The following FAM120A variants were observed in gnomAD, a reference collection of about 807,000 sequenced individuals.
FAM120A encodes the protein family with sequence similarity 120 member A, also known as constitutive coactivator of PPAR-gamma-like protein 1.
In FAM120A, 15 loss-of-function variants were observed where a neutral mutation model predicts 109.7. That is an observed-to-expected ratio of 0.14 (90% CI 0.09 to 0.21). The LOEUF (loss-of-function observed/expected upper bound fraction) is 0.21, where lower values mean the gene tolerates loss of function less well. Among genes scored for constraint, FAM120A ranks in the 10% least tolerant of loss-of-function variants. The pLI, the probability that FAM120A is intolerant of heterozygous loss-of-function variation, is 1.00. For missense variants in FAM120A, 899 were observed against 1,439.3 expected (o/e 0.62, Z 6.07); for synonymous variants, 493 against 572.8 (o/e 0.86, Z 1.99).
chr9:93,472,532 G>A (rs979571986), intron 2 of FAM120A, among the ~76,000 whole-genome samples: 1 of 152,184 alleles, frequency 6.6e-6, no homozygotes, highest in East Asian at 1.9e-4. Flanking sequence ...AGGCCAGTTT[G>A]GGAAGCTGTG....
At chr9:93,459,241 C>T (rs1857683699) in intron 1 of FAM120A, among the ~76,000 whole-genome samples, 1 of 152,204 alleles carries the variant, frequency 6.6e-6, no homozygotes, top group Non-Finnish European at 1.5e-5. Context: ...TTTACCTCCC[C>T]CAGCCACCCG....
intron 17 of FAM120A, among the ~76,000 whole-genome samples, chr9:93,563,105 T>G (rs1434973792): frequency 6.6e-6 from 1 of 152,092 alleles, no homozygotes; most frequent in Non-Finnish European, 1.5e-5. Context: ...TGTAGGAGAG[T>G]ATGTGGGGAC....
chr9:93,509,545 A>AT (rs1860220444), intron 5 of FAM120A, among the ~76,000 whole-genome samples: 1 of 152,198 alleles, frequency 6.6e-6, no homozygotes, highest in Non-Finnish European at 1.5e-5. Context: ...TTTTAAAAAA[A>AT]TTTTATTTTC....
At chr9:93,554,490 T>C (rs1329332859) in intron 12 of FAM120A, among the ~76,000 whole-genome samples, 1 of 152,026 alleles carries the variant, frequency 6.6e-6, no homozygotes, top group Admixed American at 6.6e-5. Context: ...CTGGCCAACA[T>C]GGTGAAAACC....
At chr9:93,545,658 T>G (rs1861851938) in intron 11 of FAM120A, among the ~76,000 whole-genome samples, 1 of 152,210 alleles carries the variant, frequency 6.6e-6, no homozygotes, top group Non-Finnish European at 1.5e-5. Context: ...GTTCTTAAAT[T>G]TATAACAAAT....
rs1451285064 is a variant in FAM120A, at chr9:93,452,935, CCAGTGCCCTGGCCTCTACTTCAGAACG to C, written c.474+557_474+583del. ...GGTGACAGCGAGACGTGTCTAAGGG[CCAGTGCCCTGGCCTCTACTTCAGAACG>C]CAGTGCCCTGTCCGTGTTCCTCTTA... On this transcript the variant is annotated intron_variant, in intron 1 of 17. Transcript: ENST00000277165. This position sits in a 1 kb window ranked among gnomAD's most constrained non-coding sequence, Gnocchi z 7.0. 6.4e-6 allele frequency: 9 copies of C among 1,412,528 alleles called. No homozygotes were observed. The highest frequency in any genetic ancestry group is 3.1e-5 in the South Asian group (2 of 64,770). The allele number at this position is 1,412,528 out of a possible 1,614,324, so 87.5% of individuals were successfully genotyped here. A position where few individuals can be genotyped will look rare whatever the true frequency, so the allele number is the denominator to read the frequency against.
chr9:93,533,782 A>G (rs1588890416), intron 10 of FAM120A, among the ~76,000 whole-genome samples: 1 of 152,062 alleles, frequency 6.6e-6, no homozygotes, highest in African/African-American at 2.4e-5. Context: ...AAATCCTGTG[A>G]CATCCTGGGT....
chr9:93,533,551 G>A (rs563544125), intron 10 of FAM120A, among the ~76,000 whole-genome samples: 1 of 152,322 alleles, frequency 6.6e-6, no homozygotes, highest in Admixed American at 6.5e-5. Flanking sequence ...CAAAGGTTCA[G>A]GACATTCTTC....
At chr9:93,543,644 C>G (rs1007229975) in intron 11 of FAM120A, among the ~76,000 whole-genome samples, 173 bp downstream of exon 11, 4 of 152,044 alleles carry the variant, frequency 2.6e-5, no homozygotes, top group Non-Finnish European at 5.9e-5. Flanking sequence ...TATGTAAATG[C>G]AAAATATATT....
chr9:93,507,986 G>T (rs139469495), intron 5 of FAM120A, among the ~76,000 whole-genome samples: 15 of 152,238 alleles, frequency 9.9e-5, no homozygotes, highest in African/African-American at 3.4e-4. Context: ...GTTGTTATGG[G>T]GATGATGACT....
chr9:93,491,368 G>C (rs1859311228), intron 3 of FAM120A, among the ~76,000 whole-genome samples: 1 of 152,218 alleles, frequency 6.6e-6, no homozygotes, highest in South Asian at 2.1e-4. Context: ...GCTTGCCTGG[G>C]TCAGGTTTGG....
In FAM120A at chr9:93,498,644, T is replaced by G; in HGVS notation, c.934-146T>G. 1 of 669,780 alleles carries G rather than the reference T, an allele frequency of 1.5e-6. No homozygotes were observed. The highest frequency in any genetic ancestry group is 1.6e-5 in the South Asian group (1 of 61,194). 41.5% of individuals were successfully genotyped at this position (669,780 alleles called of 1,614,324 possible). A position where few individuals can be genotyped will look rare whatever the true frequency, so the allele number is the denominator to read the frequency against. On this transcript the variant is annotated intron_variant, in intron 4 of 17. Coordinates refer to ENST00000277165, the MANE Select transcript of FAM120A (RefSeq NM_014612.5). This position sits in a 1 kb window ranked among gnomAD's most constrained non-coding sequence, Gnocchi z 4.4. ...TTCTTTTGTAGTAATCTATTGATTT[T>G]CCCTGAAAGTTTTAATGTCATTCAA...
At chr9:93,548,533 T>A (rs1288316379) in intron 11 of FAM120A, among the ~76,000 whole-genome samples, 2 of 152,228 alleles carry the variant, frequency 1.3e-5, no homozygotes, top group Non-Finnish European at 2.9e-5. Context: ...GTGAATGTGC[T>A]TAATGCCACT....
intron 1 of FAM120A, among the ~76,000 whole-genome samples, chr9:93,459,361 CAAATT>C (rs1198011929): frequency 2.0e-5 from 3 of 152,182 alleles, no homozygotes; most frequent in Admixed American, 1.3e-4. Flanking sequence ...TATAGCCAGA[CAAATT>C]AAATTATTTC....
intron 5 of FAM120A, among the ~76,000 whole-genome samples, chr9:93,515,136 G>T (rs2254941): frequency 6.6e-6 from 1 of 152,210 alleles, no homozygotes; most frequent in African/African-American, 2.4e-5. Context: ...ACAATGAAAA[G>T]CAATTCCTTT....
In FAM120A at chr9:93,474,175, T is replaced by TTTG. The variant is rs532797043; in HGVS notation, c.722-2057_722-2055dup. Among the ~76,000 whole-genome samples the TTTG allele has an allele frequency of 2.5e-3, 377 of 152,096 alleles. 3 individuals are homozygous for TTTG. The highest frequency in any genetic ancestry group is 0.014 in the Middle Eastern group (4 of 294). On this transcript the variant is annotated intron_variant, in intron 2 of 17. Transcript: ENST00000277165. ...GAAGTTATAGGTAAGCTCCTAAGTT[T>TTTG]TTGTTGTTGTTGTTGTTGTTGTTGT...
chr9:93,454,787 G>GTA (rs1857479225), intron 1 of FAM120A, among the ~76,000 whole-genome samples: 1 of 152,184 alleles, frequency 6.6e-6, no homozygotes, highest in African/African-American at 2.4e-5. Flanking sequence ...TTGAAACAGT[G>GTA]TATACCATTT....
intron 3 of FAM120A, among the ~76,000 whole-genome samples, chr9:93,485,699 C>A (rs1467169165): frequency 6.6e-6 from 1 of 152,176 alleles, no homozygotes; most frequent in Non-Finnish European, 1.5e-5. Flanking sequence ...TGTCCAGGGT[C>A]AACTTCTCTT....
intron 5 of FAM120A, among the ~76,000 whole-genome samples, chr9:93,512,234 A>G (rs546780218): frequency 1.3e-4 from 20 of 152,366 alleles, no homozygotes; most frequent in Admixed American, 1.1e-3. Context: ...GGTAAGGCCG[A>G]CTGTAGTTCT....
Sources: allele counts gnomAD v4.1 joint callset (sites outside exome capture counted in the v4.1 genomes callset), GRCh38; gene constraint gnomAD v4.1.1; non-coding constraint Gnocchi (gnomAD v3.1); transcripts MANE v1.5; gene names NCBI Gene and HGNC (gene_info 2026-07-23, HGNC 2026-07-21).